Variants in ARHGAP10 observed in about 807,000 individuals in gnomAD.
The protein encoded by ARHGAP10 is rho GTPase-activating protein 10.
Under a neutral mutation model 108.6 loss-of-function variants are expected in ARHGAP10, and 87 were observed. The observed-to-expected ratio is 0.80, with a 90% CI of 0.67 to 0.96. ARHGAP10 has a LOEUF of 0.96. ARHGAP10 is among the 40% of genes least tolerant of loss of function. The pLI is 0.00. For missense variants in ARHGAP10, 939 were observed against 954.5 expected (o/e 0.98, Z 0.21); for synonymous variants, 347 against 341.1 (o/e 1.02, Z -0.19).
At chr4:147,844,683 C>T (rs904886051) in intron 3 of ARHGAP10, among the ~76,000 whole-genome samples, 1 of 152,182 alleles carries the variant, frequency 6.6e-6, no homozygotes, top group Non-Finnish European at 1.5e-5. Context: ...CTTTTCCATT[C>T]GGTCAATCTC....
intron 15 of ARHGAP10, among the ~76,000 whole-genome samples, chr4:147,948,682 C>T (rs956435963): frequency 2.0e-5 from 3 of 151,972 alleles, no homozygotes; most frequent in Admixed American, 6.6e-5. Context: ...GTAGGCCGGG[C>T]GCGGTGGCTC....
At chr4:147,912,548 A>AATATATATAT (rs59663731) in intron 12 of ARHGAP10, among the ~76,000 whole-genome samples, 15 of 120,318 alleles carry the variant, frequency 1.2e-4, no homozygotes, top group African/African-American at 4.9e-4. Flanking sequence ...CAAACAAACA[A>AATATATATAT]ATATATATAT....
intron 3 of ARHGAP10, 106 bp from the exon 4 acceptor site, chr4:147,847,045 C>G (rs959554388): frequency 3.5e-6 from 3 of 853,112 alleles, no homozygotes; most frequent in Non-Finnish European, 5.5e-6. Context: ...CCGTTAAATA[C>G]GTTCATTTTC....
chr4:147,999,563 T>TGTCCACTTAAAATATTTG (rs1476421570), intron 18 of ARHGAP10, among the ~76,000 whole-genome samples: 1 of 152,240 alleles, frequency 6.6e-6, no homozygotes, highest in African/African-American at 2.4e-5. Flanking sequence ...GGTTAAAGGC[T>TGTCCACTTAAAATATTTG]TGCCATTGTT....
At chr4:147,824,992 G>A (rs1732646561) in intron 3 of ARHGAP10, among the ~76,000 whole-genome samples, 1 of 152,158 alleles carries the variant, frequency 6.6e-6, no homozygotes, top group South Asian at 2.1e-4. Flanking sequence ...AGATCACATG[G>A]CATCTAGGAG....
intron 1 of ARHGAP10, among the ~76,000 whole-genome samples, chr4:147,773,222 G>A (rs921412657): frequency 4.6e-5 from 7 of 152,044 alleles, no homozygotes; most frequent in South Asian, 2.1e-4. Context: ...TTAATGTGAC[G>A]TTACTTTCAT....
At chr4:147,909,995 C>A (rs1579189015) in intron 12 of ARHGAP10, among the ~76,000 whole-genome samples, 1 of 151,864 alleles carries the variant, frequency 6.6e-6, no homozygotes, top group East Asian at 1.9e-4. Context: ...TTGATCTTTC[C>A]CATCTGTGGG....
At chr4:147,887,348 C>T (rs536066906) in intron 10 of ARHGAP10, among the ~76,000 whole-genome samples, 2 of 152,094 alleles carry the variant, frequency 1.3e-5, no homozygotes, top group African/African-American at 2.4e-5. Context: ...CTCCACTGCT[C>T]CAGGATATTA....
chr4:148,022,527 C>A (rs1042871673), intron 18 of ARHGAP10, among the ~76,000 whole-genome samples: 1 of 152,138 alleles, frequency 6.6e-6, no homozygotes, highest in Non-Finnish European at 1.5e-5. Context: ...TTATCAGTCA[C>A]CTCTGTGTGA....
intron 7 of ARHGAP10, among the ~76,000 whole-genome samples, chr4:147,869,995 A>C (rs553836095): frequency 5.3e-5 from 1 of 18,828 alleles, no homozygotes; most frequent in Non-Finnish European, 2.0e-4. Flanking sequence ...AAAAAGTCCC[A>C]GTTTGTGTGT....
At chr4:147,996,719 A>G (rs1463972224) in intron 18 of ARHGAP10, among the ~76,000 whole-genome samples, 2 of 152,216 alleles carry the variant, frequency 1.3e-5, no homozygotes, top group Non-Finnish European at 2.9e-5. Context: ...TTGAAGCCCT[A>G]ACTTTAACCA....
At chr4:148,004,326 A>C (rs972958274) in intron 18 of ARHGAP10, among the ~76,000 whole-genome samples, 1 of 152,228 alleles carries the variant, frequency 6.6e-6, no homozygotes, top group African/African-American at 2.4e-5. Context: ...GTCAGAAACA[A>C]ATAGTCTTCA....
At chr4:148,061,923 G>C (rs1055387823) in intron 20 of ARHGAP10, among the ~76,000 whole-genome samples, 1 of 152,180 alleles carries the variant, frequency 6.6e-6, no homozygotes, top group African/African-American at 2.4e-5. Flanking sequence ...TTCAGGGAAG[G>C]TGTATGGGTT....
chr4:147,956,026 A>G (rs963836689), intron 16 of ARHGAP10, among the ~76,000 whole-genome samples: 2 of 152,106 alleles, frequency 1.3e-5, no homozygotes, highest in Admixed American at 6.6e-5. Flanking sequence ...TTGTTTAATC[A>G]TCATAGTCTT....
intron 1 of ARHGAP10, among the ~76,000 whole-genome samples, chr4:147,736,029 A>G (rs1728396838): frequency 6.6e-6 from 1 of 152,138 alleles, no homozygotes; most frequent in Admixed American, 6.5e-5. Context: ...CTTGTTCTTT[A>G]GAGAAAATTT....
intron 4 of ARHGAP10, among the ~76,000 whole-genome samples, chr4:147,852,161 CT>C (rs1733898984): frequency 6.6e-6 from 1 of 152,196 alleles, no homozygotes; most frequent in Admixed American, 6.5e-5. Flanking sequence ...AGTTGCTCAG[CT>C]TTTTGTCCAT....
chr4:147,957,422 G>T (rs1213866755), intron 16 of ARHGAP10, among the ~76,000 whole-genome samples: 1 of 152,124 alleles, frequency 6.6e-6, no homozygotes, highest in Admixed American at 6.5e-5. Flanking sequence ...AATAGTTACA[G>T]AAATCAGGTG....
chr4:147,882,422 C>G (rs1735362386), intron 10 of ARHGAP10, among the ~76,000 whole-genome samples: 1 of 150,508 alleles, frequency 6.6e-6, no homozygotes, highest in Non-Finnish European at 1.5e-5. Flanking sequence ...AAGATGGTGC[C>G]ACTGCACTCC....
intron 16 of ARHGAP10, among the ~76,000 whole-genome samples, chr4:147,962,182 G>A (rs1739024235): frequency 6.6e-6 from 1 of 152,156 alleles, no homozygotes; most frequent in African/African-American, 2.4e-5. Context: ...CTGTCTGTTG[G>A]TGGAATTGGC....
Sources: allele counts gnomAD v4.1 joint callset (sites outside exome capture counted in the v4.1 genomes callset), GRCh38; gene constraint gnomAD v4.1.1; transcripts MANE v1.5; gene names NCBI Gene and HGNC (gene_info 2026-07-23, HGNC 2026-07-21).